NRG1: variants seen among roughly 807,000 people sequenced by gnomAD.
NRG1 encodes pro-neuregulin-1, membrane-bound isoform.
In NRG1, 18 loss-of-function variants were observed where a neutral mutation model predicts 63.8. That is an observed-to-expected ratio of 0.28 (90% CI 0.19 to 0.42). NRG1 has a LOEUF of 0.42. NRG1 is among the 10% of genes least tolerant of loss of function. NRG1 has a pLI of 1.00. For synonymous variants in NRG1, 302 were observed against 301.3 expected (o/e 1.00, Z -0.02); for missense variants, 762 against 814.7 (o/e 0.94, Z 0.79).
In NRG1 at chr8:31,987,318, A is replaced by ATGTGTGTG. The variant is rs775800534; in HGVS notation, c.37+347888_37+347889insGTGTGTGT. Among the ~76,000 whole-genome samples the ATGTGTGTG allele has an allele frequency of 3.0e-3, 225 of 75,194 alleles. 3 individuals are homozygous for ATGTGTGTG. The highest frequency in any genetic ancestry group is 0.011 in the African/African-American group (212 of 19,510). The allele number at this position is 75,194 out of a possible 152,430, so 49.3% of individuals were successfully genotyped here. A position where few individuals can be genotyped will look rare whatever the true frequency, so the allele number is the denominator to read the frequency against. ...TCTCAAAAAAAAAAAAAAAACATATATATGTGTGTGTGTGTGTGTGTGTGT... is the reference window on the plus strand; with the variant it reads ...TCTCAAAAAAAAAAAAAAAACATATATGTGTGTGTATGTGTGTGTGTGTGTGTGTGTGT... On this transcript the variant is annotated intron_variant, in intron 1 of 10. Transcript: ENST00000519301.
At chr8:31,906,294 T>C (rs547483570) in intron 1 of NRG1, among the ~76,000 whole-genome samples, 1 of 152,298 alleles carries the variant, frequency 6.6e-6, no homozygotes, top group East Asian at 1.9e-4. Flanking sequence ...CCTCAGAGCA[T>C]GTGACACAAA....
chr8:31,743,457 T>C (rs1815506809), intron 1 of NRG1, among the ~76,000 whole-genome samples: 1 of 151,988 alleles, frequency 6.6e-6, no homozygotes, highest in South Asian at 2.1e-4. Flanking sequence ...CAAGCTCAAG[T>C]ACCAAGTGTC....
chr8:31,770,584 A>C (rs1016310474), intron 1 of NRG1, among the ~76,000 whole-genome samples: 6 of 140,718 alleles, frequency 4.3e-5, no homozygotes, highest in African/African-American at 1.3e-4. Flanking sequence ...ACTTGGACAC[A>C]GGAAGGGGAA....
At chr8:32,583,587 T>G (rs2129532859) in intron 1 of NRG1, among the ~76,000 whole-genome samples, 1 of 152,300 alleles carries the variant, frequency 6.6e-6, no homozygotes, top group Non-Finnish European at 1.5e-5. Flanking sequence ...CATGGGGAAT[T>G]AATTAAATTC....
chr8:32,062,242 A>G lies in NRG1; in HGVS notation c.37+422811A>G, dbSNP rs553224920. ...GCCTGTCACCCCAACCTTTCTTCAG[A>G]GCAGAGCCTGCTTCCTCATGGGAAG... On this transcript the variant is annotated intron_variant, in intron 1 of 10. Transcript: ENST00000519301. Among the ~76,000 whole-genome samples, 70 of 152,216 alleles carry G rather than the reference A, an allele frequency of 4.6e-4. No homozygotes were observed. The Middle Eastern group carries it at 0.014, about 30-fold the overall frequency.
chr8:31,748,144 C>A (rs1208756943), intron 1 of NRG1, among the ~76,000 whole-genome samples: 1 of 151,896 alleles, frequency 6.6e-6, no homozygotes, highest in African/African-American at 2.4e-5. Flanking sequence ...CCAGTTTATT[C>A]TCTGTCAACA....
chr8:32,321,912 A>C (rs1395362175), intron 1 of NRG1, among the ~76,000 whole-genome samples: 2 of 151,982 alleles, frequency 1.3e-5, no homozygotes, highest in African/African-American at 4.8e-5. Context: ...TTATATGTAG[A>C]GACAAGATGC....
chr8:32,654,551 C>T (rs1855865294), intron 5 of NRG1, among the ~76,000 whole-genome samples: 1 of 143,436 alleles, frequency 7.0e-6, no homozygotes, highest in Non-Finnish European at 1.5e-5. Flanking sequence ...ATCGCTTCAA[C>T]CTGGGAGGCG....
At chr8:32,329,988 C>T (rs2129477475) in intron 1 of NRG1, among the ~76,000 whole-genome samples, 1 of 140,170 alleles carries the variant, frequency 7.1e-6, no homozygotes, top group Admixed American at 7.9e-5. Flanking sequence ...GATCCTCCCA[C>T]CTCAGTCTCC....
At chr8:31,676,011 T>G (rs914304271) in intron 1 of NRG1, among the ~76,000 whole-genome samples, 1 of 152,172 alleles carries the variant, frequency 6.6e-6, no homozygotes, top group Non-Finnish European at 1.5e-5. Flanking sequence ...CTATAAGCAG[T>G]CATTTATATT....
At chr8:32,749,706 C>A in intron 7 of NRG1, 1 of 872,256 alleles carries the variant, frequency 1.1e-6, no homozygotes, top group South Asian at 1.6e-5. Context: ...TAGAAGGGAT[C>A]ATACAGCTAT....
At chr8:32,151,110 C>T (rs1837456001) in intron 1 of NRG1, among the ~76,000 whole-genome samples, 1 of 151,968 alleles carries the variant, frequency 6.6e-6, no homozygotes, top group Admixed American at 6.6e-5. Flanking sequence ...TGAGGTAAGA[C>T]AGCTGGTAAA....
At chr8:32,577,896 A>C (rs1435637383) in intron 1 of NRG1, among the ~76,000 whole-genome samples, 1 of 152,166 alleles carries the variant, frequency 6.6e-6, no homozygotes, top group Admixed American at 6.5e-5. Context: ...GTTTAACATA[A>C]AAGGAAGATG....
intron 1 of NRG1, among the ~76,000 whole-genome samples, chr8:32,017,338 C>G (rs577694086): frequency 2.0e-5 from 3 of 152,168 alleles, no homozygotes; most frequent in Non-Finnish European, 4.4e-5. Context: ...TCCCTCCGCT[C>G]TCACACCACA....
chr8:32,442,322 CA>C (rs1490919686), intron 1 of NRG1: 1 of 152,242 alleles, frequency 6.6e-6, no homozygotes, highest in East Asian at 1.9e-4. Context: ...GAATTACCTT[CA>C]TTATGAGCTA....
At chr8:31,849,560 T>G (rs963765881) in intron 1 of NRG1, among the ~76,000 whole-genome samples, 4 of 152,220 alleles carry the variant, frequency 2.6e-5, no homozygotes, top group African/African-American at 9.6e-5. Flanking sequence ...TGCCCCCTAT[T>G]TCTTATGAGA....
chr8:31,874,706 G>T (rs116936724), intron 1 of NRG1, among the ~76,000 whole-genome samples: 1 of 152,024 alleles, frequency 6.6e-6, no homozygotes, highest in Non-Finnish European at 1.5e-5. Context: ...GTTCTTTATA[G>T]CTATTTTTTT....
intron 5 of NRG1, among the ~76,000 whole-genome samples, chr8:32,664,616 G>T (rs1325912637): frequency 6.6e-6 from 1 of 151,776 alleles, no homozygotes; most frequent in African/African-American, 2.4e-5. Flanking sequence ...ATAAACTGAT[G>T]GTGTAGAAAT....
At chr8:32,333,710 A>G (rs1802917826) in intron 1 of NRG1, among the ~76,000 whole-genome samples, 1 of 152,148 alleles carries the variant, frequency 6.6e-6, no homozygotes, top group Non-Finnish European at 1.5e-5. Flanking sequence ...TTTTTGCTTA[A>G]AGATACGTAC....
Sources: gnomAD v4.1 joint callset for allele counts (sites outside exome capture counted in the v4.1 genomes callset) on GRCh38, gnomAD v4.1.1 for gene constraint, MANE v1.5 for transcripts, NCBI Gene and HGNC (gene_info 2026-07-23, HGNC 2026-07-21) for gene names.